The following NTRK3 variants were observed in gnomAD, a reference collection of about 807,000 sequenced individuals.
NTRK3 encodes the protein NT-3 growth factor receptor.
A neutral mutation model predicts 91.7 loss-of-function variants in NTRK3; 24 were observed. The observed-to-expected ratio is 0.26, with a 90% confidence interval of 0.19 to 0.37. The LOEUF (loss-of-function observed/expected upper bound fraction) is 0.37, where lower values mean the gene tolerates loss of function less well. Among genes scored for constraint, NTRK3 ranks in the 10% least tolerant of loss-of-function variants. The pLI, the probability that NTRK3 is intolerant of heterozygous loss-of-function variation, is 1.00. For synonymous variants in NTRK3, 483 were observed against 404.0 expected (o/e 1.20, Z -2.34); for missense variants, 880 against 1,068.9 (o/e 0.82, Z 2.46).
intron 5 of NTRK3, among the ~76,000 whole-genome samples, chr15:88,181,769 C>A (rs1039575603): frequency 3.9e-5 from 6 of 152,228 alleles, no homozygotes; most frequent in Non-Finnish European, 8.8e-5. Flanking sequence ...AGTCTGACCA[C>A]ACCAGGCCCC....
At chr15:87,951,199 TC>T (rs1482458248) in intron 14 of NTRK3, among the ~76,000 whole-genome samples, 1 of 152,170 alleles carries the variant, frequency 6.6e-6, no homozygotes, top group East Asian at 1.9e-4. Flanking sequence ...CGGGAAATAA[TC>T]CTGTGTTATC....
At chr15:88,228,078 C>G (rs1000923952) in intron 3 of NTRK3, among the ~76,000 whole-genome samples, 4 of 152,168 alleles carry the variant, frequency 2.6e-5, no homozygotes, top group Non-Finnish European at 5.9e-5. Context: ...GATTTCCAGG[C>G]CAAACCTAAA....
chr15:87,933,595 A>G (rs774528968), intron 15 of NTRK3, among the ~76,000 whole-genome samples: 1 of 152,262 alleles, frequency 6.6e-6, no homozygotes, highest in Non-Finnish European at 1.5e-5. Context: ...CACTGCCCCA[A>G]TACTTTAGCT....
intron 17 of NTRK3, among the ~76,000 whole-genome samples, chr15:87,908,249 G>C (rs1359279357): frequency 6.6e-6 from 1 of 152,164 alleles, no homozygotes; most frequent in African/African-American, 2.4e-5. Flanking sequence ...AATTTTAGCA[G>C]ATTATGGCCC....
intron 14 of NTRK3, among the ~76,000 whole-genome samples, chr15:87,985,353 G>A (rs1231921272): frequency 6.6e-6 from 1 of 152,178 alleles, no homozygotes; most frequent in Non-Finnish European, 1.5e-5. Flanking sequence ...CAACAAGCAG[G>A]ACTTTTTAAT....
chr15:88,194,214 C>T (rs2047635490), intron 3 of NTRK3, among the ~76,000 whole-genome samples: 2 of 152,216 alleles, frequency 1.3e-5, no homozygotes, highest in Admixed American at 6.5e-5. Context: ...TCGCTGATGT[C>T]GTATTCTTTG....
At chr15:88,195,772 G>A (rs969945541) in intron 3 of NTRK3, among the ~76,000 whole-genome samples, 2 of 152,218 alleles carry the variant, frequency 1.3e-5, no homozygotes, top group African/African-American at 4.8e-5. Context: ...ACTCCCCAAG[G>A]GGTCTTGGGG....
At chr15:87,865,782 C>T (rs1372788390) in exon 19 of NTRK3, 2 of 227,680 alleles carry the variant, frequency 8.8e-6, no homozygotes, top group East Asian at 1.3e-4. Flanking sequence ...AAAACAAACT[C>T]TAATTGTCCC....
chr15:88,109,422 T>C (rs1193675035), intron 13 of NTRK3, among the ~76,000 whole-genome samples: 1 of 152,218 alleles, frequency 6.6e-6, no homozygotes, highest in Non-Finnish European at 1.5e-5. Flanking sequence ...GAGCTCGTCC[T>C]TCCTGAAGCT....
intron 16 of NTRK3, 23 bp from the exon 17 acceptor site, chr15:87,929,457 G>A (rs2141917345): frequency 6.2e-7 from 1 of 1,612,556 alleles, no homozygotes; most frequent in Non-Finnish European, 8.5e-7. Context: ...GGGGAGAAGA[G>A]AGGGGGCAGA....
At chr15:87,999,849 T>C (rs1453506883) in intron 14 of NTRK3, among the ~76,000 whole-genome samples, 1 of 152,202 alleles carries the variant, frequency 6.6e-6, no homozygotes, top group African/African-American at 2.4e-5. Flanking sequence ...CATTGCAATA[T>C]GATTCCATAG....
intron 5 of NTRK3, among the ~76,000 whole-genome samples, chr15:88,170,270 GA>G (rs1252388674): frequency 6.6e-6 from 1 of 152,180 alleles, no homozygotes; most frequent in Non-Finnish European, 1.5e-5. Flanking sequence ...CAATGAGGTT[GA>G]CATAATTTGC....
exon 19 of NTRK3, chr15:87,873,867 T>G (rs78225812): frequency 4.3e-6 from 1 of 231,310 alleles, no homozygotes; most frequent in East Asian, 6.1e-5. Flanking sequence ...GAGTGTCTTA[T>G]TGGAACTCAG....
rs1234199130 is a variant in NTRK3, at chr15:88,013,268, C to T, written c.1585+19589G>A. ...CTGGTAAAGACTGTTTAAAATCATA[C>T]CCGCATCTTCCTCTAGGTCAGAGCG... On this transcript the variant is annotated intron_variant, in intron 14 of 18. Transcript: ENST00000394480. Among the ~76,000 whole-genome samples the T allele has an allele frequency of 2.0e-5, 3 of 152,228 alleles. No homozygotes were observed. The East Asian group carries it at 5.8e-4, about 29-fold the overall frequency.
At chr15:88,072,137 CT>C (rs1215535454) in intron 13 of NTRK3, among the ~76,000 whole-genome samples, 1 of 151,436 alleles carries the variant, frequency 6.6e-6, no homozygotes, top group Non-Finnish European at 1.5e-5. Flanking sequence ...TCCTGAGTAG[CT>C]GGGATTACAG....
In NTRK3 at chr15:87,905,803, C is replaced by A. The variant is rs564168991; in HGVS notation, c.2133+23388G>T. Among the ~76,000 whole-genome samples the A allele has an allele frequency of 3.9e-5, 6 of 152,316 alleles. No individual in the cohort carries two copies. The East Asian group carries it at 1.2e-3, about 29-fold the overall frequency. On this transcript the variant is annotated intron_variant, in intron 17 of 18. Transcript: ENST00000394480. The stretch of plus-strand genomic sequence containing the variant: ...CGTGAGCCCCAGGAACACTGACTCA[C>A]TGAAGTTAAGCCTCCACCTCAGCCG...
intron 17 of NTRK3, among the ~76,000 whole-genome samples, chr15:87,919,295 AC>A (rs1165516124): frequency 6.6e-6 from 1 of 152,124 alleles, no homozygotes; most frequent in Non-Finnish European, 1.5e-5. Context: ...GAGCCCAAAA[AC>A]AAAAATGGGA....
chr15:88,052,937 G>T (rs116925668), intron 13 of NTRK3, among the ~76,000 whole-genome samples: 128 of 152,288 alleles, frequency 8.4e-4, no homozygotes, highest in Non-Finnish European at 1.3e-3. Context: ...TATTAGCTGT[G>T]TAACTTTAAA....
intron 3 of NTRK3, among the ~76,000 whole-genome samples, chr15:88,212,821 A>C (rs140829272): frequency 6.6e-6 from 1 of 152,070 alleles, no homozygotes; most frequent in Non-Finnish European, 1.5e-5. Context: ...CAGAGCAAAA[A>C]TCCATCAGAC....
Sources: gnomAD v4.1 joint callset for allele counts (sites outside exome capture counted in the v4.1 genomes callset) on GRCh38, gnomAD v4.1.1 for gene constraint, MANE v1.5 for transcripts, NCBI Gene and HGNC (gene_info 2026-07-23, HGNC 2026-07-21) for gene names.